MGAT5: variants seen among roughly 807,000 people sequenced by gnomAD.
The protein encoded by MGAT5 is alpha-1,6-mannosylglycoprotein 6-beta-N-acetylglucosaminyltransferase.
In MGAT5, 30 loss-of-function variants were observed where a neutral mutation model predicts 94.3. The observed-to-expected ratio is 0.32, with a 90% CI of 0.24 to 0.43. MGAT5 has a LOEUF of 0.43. Ranked by LOEUF, MGAT5 falls within the 20% of genes least tolerant of loss-of-function variation. The pLI, the probability that MGAT5 is intolerant of heterozygous loss-of-function variation, is 1.00. For synonymous variants in MGAT5, 310 were observed against 322.9 expected (o/e 0.96, Z 0.43); for missense variants, 691 against 905.5 (o/e 0.76, Z 3.04).
intron 10 of MGAT5, among the ~76,000 whole-genome samples, chr2:134,371,970 G>T (rs1405536075): frequency 6.7e-6 from 1 of 149,854 alleles, no homozygotes; most frequent in African/African-American, 2.5e-5. Flanking sequence ...AACCTTGCCT[G>T]ATCTTAAGTG....
At chr2:134,365,756 T>C (rs1047132577) in intron 10 of MGAT5, among the ~76,000 whole-genome samples, 2 of 152,156 alleles carry the variant, frequency 1.3e-5, no homozygotes, top group African/African-American at 2.4e-5. Flanking sequence ...TCTCACACTC[T>C]GGTCTTGCAG....
intron 13 of MGAT5, among the ~76,000 whole-genome samples, chr2:134,426,817 A>G (rs1684616507): frequency 6.6e-6 from 1 of 152,220 alleles, no homozygotes; most frequent in South Asian, 2.1e-4. Context: ...AACTGAGAAC[A>G]TGAAAGTCAG....
chr2:134,205,123 A>G (rs1341436920), intron 1 of MGAT5, among the ~76,000 whole-genome samples: 1 of 152,196 alleles, frequency 6.6e-6, no homozygotes, highest in Non-Finnish European at 1.5e-5. Flanking sequence ...TGAGTAAGAA[A>G]GAGAGTAGGA....
intron 2 of MGAT5, among the ~76,000 whole-genome samples, chr2:134,311,537 C>G (rs1558780420): frequency 6.6e-6 from 1 of 152,146 alleles, no homozygotes; most frequent in African/African-American, 2.4e-5. Context: ...TCCTGTCTCT[C>G]TCTCTCTCTT....
At chr2:134,343,197 A>G (rs529751928) in intron 7 of MGAT5, among the ~76,000 whole-genome samples, 17 of 152,312 alleles carry the variant, frequency 1.1e-4, no homozygotes, top group Non-Finnish European at 2.2e-4. Context: ...TCAGAGACTG[A>G]ATTTGATGGT....
intron 2 of MGAT5, among the ~76,000 whole-genome samples, chr2:134,298,963 C>T (rs1290038874): frequency 2.0e-5 from 3 of 152,160 alleles, no homozygotes; most frequent in African/African-American, 7.2e-5. Context: ...GATAAGAATT[C>T]TTCTGCTTTC....
intron 1 of MGAT5, among the ~76,000 whole-genome samples, chr2:134,262,574 T>C (rs1474522065): frequency 1.3e-5 from 2 of 152,208 alleles, no homozygotes; most frequent in African/African-American, 4.8e-5. Context: ...TTTCTAAAGA[T>C]GGAATCTCAC....
intron 2 of MGAT5, among the ~76,000 whole-genome samples, chr2:134,283,856 A>T (rs1279814659): frequency 6.6e-6 from 1 of 151,786 alleles, no homozygotes; most frequent in African/African-American, 2.4e-5. Flanking sequence ...TGATGCAAGG[A>T]TACATCGCTG....
At chr2:134,426,477 G>A (rs1684595610) in intron 13 of MGAT5, among the ~76,000 whole-genome samples, 1 of 152,118 alleles carries the variant, frequency 6.6e-6, no homozygotes, top group Non-Finnish European at 1.5e-5. Flanking sequence ...TTGTTGGAAT[G>A]GTGCTTGGGT....
chr2:134,160,568 G>A (rs1239927389), intron 1 of MGAT5, among the ~76,000 whole-genome samples: 1 of 152,176 alleles, frequency 6.6e-6, no homozygotes, highest in Non-Finnish European at 1.5e-5. Context: ...TTGGGTGCGG[G>A]TATTGTATGA....
upstream of MGAT5, chr2:134,253,264 A>T (rs1310278400): frequency 6.6e-6 from 1 of 152,136 alleles, no homozygotes; most frequent in Non-Finnish European, 1.5e-5. Flanking sequence ...CTTATAAGGG[A>T]TCGGATCATT....
intron 1 of MGAT5, among the ~76,000 whole-genome samples, chr2:134,139,630 A>G (rs1172840200): frequency 6.6e-6 from 1 of 152,224 alleles, no homozygotes; most frequent in East Asian, 1.9e-4. Flanking sequence ...AAAGGAATGA[A>G]AAACCTCGCA....
At chr2:134,365,926 A>G (rs575789230) in intron 10 of MGAT5, among the ~76,000 whole-genome samples, 34 of 152,214 alleles carry the variant, frequency 2.2e-4, no homozygotes, top group Admixed American at 1.6e-3. Flanking sequence ...AAGGTACTCA[A>G]TGGTCTTGTC....
At chr2:134,164,266 GCAA>G (rs1262686089) in intron 1 of MGAT5, among the ~76,000 whole-genome samples, 2 of 152,216 alleles carry the variant, frequency 1.3e-5, no homozygotes, top group Non-Finnish European at 2.9e-5. Flanking sequence ...GTCATTGTCA[GCAA>G]AAGCTTGTCT....
At chr2:134,359,565 T>C (rs997529055) in intron 9 of MGAT5, among the ~76,000 whole-genome samples, 1 of 152,252 alleles carries the variant, frequency 6.6e-6, no homozygotes, top group African/African-American at 2.4e-5. Context: ...TCTTCTGGGA[T>C]GGAGGGATTA....
At chr2:134,416,517 G>A (rs1324524301) in intron 12 of MGAT5, among the ~76,000 whole-genome samples, 1 of 147,494 alleles carries the variant, frequency 6.8e-6, no homozygotes, top group African/African-American at 2.6e-5. Context: ...CACCCAGGCT[G>A]GAGGAGTGCA....
upstream of MGAT5, among the ~76,000 whole-genome samples, chr2:134,251,072 C>G (rs767759066): frequency 6.6e-6 from 1 of 152,060 alleles, no homozygotes; most frequent in African/African-American, 2.4e-5. Context: ...ACCAGTGATT[C>G]GGGCTCTTTA....
intron 10 of MGAT5, among the ~76,000 whole-genome samples, chr2:134,364,610 C>T (rs922543108): frequency 2.6e-5 from 4 of 152,170 alleles, no homozygotes; most frequent in Admixed American, 2.6e-4. Context: ...GGTGCCCAAG[C>T]TTCTGTGTAC....
chr2:134,368,349 T>C (rs1247572112), intron 10 of MGAT5, among the ~76,000 whole-genome samples: 2 of 152,260 alleles, frequency 1.3e-5, no homozygotes, highest in African/African-American at 2.4e-5. Context: ...AAGCCTGATA[T>C]GAGCATTTCA....
Sources: gnomAD v4.1 joint callset for allele counts (sites outside exome capture counted in the v4.1 genomes callset) on GRCh38, gnomAD v4.1.1 for gene constraint, MANE v1.5 for transcripts, NCBI Gene and HGNC (gene_info 2026-07-23, HGNC 2026-07-21) for gene names.